Variants in MYH10 observed in about 807,000 individuals in gnomAD.
MYH10 encodes the protein myosin heavy chain 10.
A neutral mutation model predicts 257.8 loss-of-function variants in MYH10; 55 were observed. The observed-to-expected ratio is 0.21, with a 90% confidence interval of 0.17 to 0.27. The LOEUF is 0.27. Ranked by LOEUF, MYH10 falls within the 10% of genes least tolerant of loss-of-function variation. The pLI is 1.00. For missense variants in MYH10, 1,631 were observed against 2,500.6 expected, an observed-to-expected ratio of 0.65 and a Z score of 7.42; for synonymous variants, 854 against 921.7, an observed-to-expected ratio of 0.93 and a Z score of 1.33.
chr17:8,511,469 G>A (rs527355951), intron 24 of MYH10, among the ~76,000 whole-genome samples: 3 of 152,248 alleles, frequency 2.0e-5, no homozygotes, highest in South Asian at 4.1e-4. Context: ...GCAGTGAGCC[G>A]AGATTGCGCC....
chr17:8,577,145 G>T, intron 5 of MYH10, 91 bp downstream of exon 5: 2 of 944,548 alleles, frequency 2.1e-6, no homozygotes, highest in Non-Finnish European at 1.6e-6. Flanking sequence ...GTCAGTTATA[G>T]CAGTGTGGAG....
At position 8,476,965 on chromosome 17, in the gene MYH10, A is replaced by G; in HGVS notation, c.5790T>C (p.Ser1930=). ...AEEEATRANA[S]RRKLQRELDD... ...CCAGTTCCCGCTGGAGTTTACGCCGAGATGCGTTGGCACGCGTCGCTTCTT... is the reference window on the plus strand; with the variant it reads ...CCAGTTCCCGCTGGAGTTTACGCCGGGATGCGTTGGCACGCGTCGCTTCTT... Residue 1930 remains serine, a synonymous_variant, in exon 42 of 43, where the codon TCT becomes TCC. Transcript: ENST00000360416. The G allele has an allele frequency of 6.2e-7, 1 of 1,614,054 alleles. No individual in the cohort carries two copies. The highest frequency in any genetic ancestry group is 8.5e-7 in the Non-Finnish European group (1 of 1,180,038).
intron 17 of MYH10, among the ~76,000 whole-genome samples, chr17:8,522,291 G>C (rs562037397): frequency 2.6e-5 from 4 of 152,336 alleles, no homozygotes; most frequent in African/African-American, 9.6e-5. Context: ...TTATGTGCAA[G>C]ATCTCATTCA....
chr17:8,572,444 G>A (rs2083381645), intron 6 of MYH10, among the ~76,000 whole-genome samples: 1 of 152,176 alleles, frequency 6.6e-6, no homozygotes, highest in African/African-American at 2.4e-5. Context: ...CTCTTTAAAT[G>A]TGAGGACATT....
chr17:8,616,680 A>G (rs1326745132), intron 2 of MYH10, among the ~76,000 whole-genome samples: 1 of 152,158 alleles, frequency 6.6e-6, no homozygotes, highest in Non-Finnish European at 1.5e-5. Flanking sequence ...AAAATATTAT[A>G]AAGATCTAAT....
At chr17:8,495,341 A>C (rs368570998) in intron 30 of MYH10, 100 bp from the exon 31 acceptor site, 5 of 726,240 alleles carry the variant, frequency 6.9e-6, no homozygotes, top group East Asian at 2.6e-5. Context: ...ACTCGGCGGG[A>C]GTGTGAACCT....
chr17:8,581,379 C>T (rs2083699083), intron 4 of MYH10, among the ~76,000 whole-genome samples: 1 of 151,856 alleles, frequency 6.6e-6, no homozygotes, highest in African/African-American at 2.4e-5. Context: ...CTGATGATGA[C>T]TTGTCTCAAA....
rs147939225 is a variant in MYH10 at position 8,561,936 on chromosome 17, T to G, written c.756+7784A>C. ...AGAACAATGATGAAGGAGACAGGGC[T>G]GCAGGGGCCTGTGGTGTGGAAGGAG... On this transcript the variant is annotated intron_variant, in intron 7 of 42. Transcript: ENST00000360416. 8.4e-3 allele frequency among the ~76,000 whole-genome samples: 1,277 copies of G among 152,272 alleles called. 21 individuals carry two copies. The highest frequency in any genetic ancestry group is 0.028 in the African/African-American group (1,171 of 41,562).
intron 19 of MYH10, 87 bp downstream of exon 19, chr17:8,520,791 A>C (rs2081626710): frequency 9.1e-6 from 13 of 1,431,428 alleles, no homozygotes; most frequent in Non-Finnish European, 1.2e-5. Context: ...GGGGACAAGG[A>C]AAAAGATTTC....
At chr17:8,618,932 A>G (rs2085365644) in intron 2 of MYH10, among the ~76,000 whole-genome samples, 1 of 152,252 alleles carries the variant, frequency 6.6e-6, no homozygotes, top group African/African-American at 2.4e-5. Context: ...TTTTCTTTGA[A>G]GTGACAGGCT....
At chr17:8,572,562 T>C (rs1000852974) in intron 6 of MYH10, among the ~76,000 whole-genome samples, 2 of 152,294 alleles carry the variant, frequency 1.3e-5, no homozygotes, top group African/African-American at 4.8e-5. Flanking sequence ...CTCAGGACAA[T>C]TTTTCTTCTT....
intron 2 of MYH10, among the ~76,000 whole-genome samples, chr17:8,621,985 T>G (rs1412787585): frequency 6.6e-6 from 1 of 152,200 alleles, no homozygotes; most frequent in Admixed American, 6.5e-5. Flanking sequence ...AGGGGGTGCT[T>G]AATAAATATT....
At chr17:8,527,632 C>A (rs1285064263) in intron 17 of MYH10, among the ~76,000 whole-genome samples, 1 of 152,246 alleles carries the variant, frequency 6.6e-6, no homozygotes, top group African/African-American at 2.4e-5. Context: ...ATTACAGCAG[C>A]AGCTGCTGCA....
rs77749515 is a variant in MYH10, at chr17:8,624,519, T to C, written c.-31-1242A>G. ...ATCAAATCCCCACTTCTCCCCTCTG[T>C]TCACTCCACTCCCCTAGCCAAAAAT... On this transcript the variant is annotated intron_variant, in intron 1 of 42. Coordinates refer to ENST00000360416, the MANE Select transcript of MYH10 (RefSeq NM_001256012.3). Among the ~76,000 whole-genome samples, 677 of 152,262 alleles carry C rather than the reference T, an allele frequency of 4.4e-3. 3 individuals are homozygous for C. The highest frequency in any genetic ancestry group is 0.016 in the African/African-American group (647 of 41,540).
In MYH10 at chr17:8,493,036, G is replaced by A. The variant is rs754567467; in HGVS notation, c.4210-12C>T. On this transcript the variant is annotated splice_polypyrimidine_tract_variant and intron_variant, in intron 32 of 42. Transcript: ENST00000360416. Reference sequence around the variant, plus strand: ...TTGGTATCAGCCAACTAGGTTTTGTGTACGGACAAACAGAAAGCTCAGTAT... The same window carrying A: ...TTGGTATCAGCCAACTAGGTTTTGTATACGGACAAACAGAAAGCTCAGTAT... 4 of 1,611,202 alleles carry A rather than the reference G, an allele frequency of 2.5e-6. No individual in the cohort carries two copies. Among genetic ancestry groups the A allele is most frequent in the Non-Finnish European group, 3.4e-6 (4 of 1,179,070 alleles).
At position 8,569,730 on chromosome 17, in the gene MYH10, G is replaced by A. The variant is rs1213042082; in HGVS notation, c.746C>T (p.Ser249Leu). Residue 249 changes from serine (S) to leucine (L), a missense_variant, in exon 7 of 43, where the codon TCA (serine) becomes TTA (leucine). Ser to Leu is a moderately radical substitution (Grantham distance 145). Around this residue, in one of 11 missense-constraint regions of MYH10, gnomAD observed 360 missense variants for 581.9 expected, o/e 0.62. Coordinates refer to ENST00000360416, the MANE Select transcript of MYH10 (RefSeq NM_001256012.3). This position sits in a 1 kb window ranked among gnomAD's most constrained non-coding sequence, Gnocchi z 4.1. ...TGCTTTGAAACTTACAAAACGAGAT[G>A]AGTTATCATTTTTCACAGTCTTCGC... ...GNAKTVKNDN[S>L]SRFGKFIRIN... 6.2e-7 allele frequency: 1 copy of A among 1,607,078 alleles called. No individual in the cohort carries two copies. Among genetic ancestry groups the A allele is most frequent in the South Asian group, 1.1e-5 (1 of 89,512 alleles).
intron 17 of MYH10, among the ~76,000 whole-genome samples, chr17:8,529,818 G>A (rs2081961177): frequency 6.6e-6 from 1 of 152,050 alleles, no homozygotes. Flanking sequence ...TTTGAGTTTC[G>A]CTACTTGCCA....
chr17:8,601,239 AG>A, intron 3 of MYH10, among the ~76,000 whole-genome samples: 1 of 152,318 alleles, frequency 6.6e-6, no homozygotes, highest in East Asian at 1.9e-4. Flanking sequence ...TCAGGAACAA[AG>A]GAAGACAAGC....
chr17:8,623,310 T>A, intron 1 of MYH10, 33 bp from the exon 2 acceptor site: 1 of 1,509,440 alleles, frequency 6.6e-7, no homozygotes, highest in Non-Finnish European at 8.8e-7. Context: ...AAATTAGATG[T>A]TTAAGAAACA....
Sources: allele counts gnomAD v4.1 joint callset (sites outside exome capture counted in the v4.1 genomes callset), GRCh38; gene constraint gnomAD v4.1.1; regional missense constraint gnomAD v4.1.1; non-coding constraint Gnocchi (gnomAD v3.1); transcripts MANE v1.5; gene names NCBI Gene and HGNC (gene_info 2026-07-23, HGNC 2026-07-21).